The following SPAG9 variants were observed in gnomAD, a reference collection of about 807,000 sequenced individuals.
SPAG9 encodes the protein sperm associated antigen 9.
Under a neutral mutation model 166.5 loss-of-function variants are expected in SPAG9, and 35 were observed. That is an observed-to-expected ratio of 0.21 (90% CI 0.16 to 0.28). The LOEUF is 0.28. Ranked by LOEUF, SPAG9 falls within the 10% of genes least tolerant of loss-of-function variation. The pLI is 1.00. For synonymous variants in SPAG9, 534 were observed against 565.5 expected, an observed-to-expected ratio of 0.94 and a Z score of 0.79; for missense variants, 1,235 against 1,603.3, an observed-to-expected ratio of 0.77 and a Z score of 3.92.
At chr17:51,021,437 GAAAT>G in intron 6 of SPAG9, 72 bp from the exon 7 acceptor site, 2 of 1,209,308 alleles carry the variant, frequency 1.7e-6, no homozygotes, top group South Asian at 1.5e-5. Flanking sequence ...AATGGGTTGA[GAAAT>G]AAATCTACCA....
rs768708195 is a variant in SPAG9 at position 51,021,239 on chromosome 17, C to T, written c.910G>A (p.Val304Ile). 3.1e-6 allele frequency: 5 copies of T among 1,613,980 alleles called. No individual in the cohort carries two copies. In the Admixed American group the frequency reaches 6.7e-5, roughly 22 times the overall value. Residue 304 changes from valine (V) to isoleucine (I), a missense_variant, in exon 7 of 30, where the codon GTT becomes ATT. Transcript: ENST00000262013. The part of the protein sequence containing the change: ...LKEENEGFVK[V>I]TDAPNKSEIS... ...TCTGATTTATTTGGCGCATCTGTAA[C>T]CTTCACAAATCCTTCGTTTTCTTCC... is the stretch of plus-strand genomic sequence containing the variant.
At chr17:51,054,467 C>T (rs1329220467) in intron 3 of SPAG9, among the ~76,000 whole-genome samples, 16 of 144,766 alleles carry the variant, frequency 1.1e-4, no homozygotes, top group African/African-American at 3.9e-4. Flanking sequence ...GACGGAGTCT[C>T]GCTCTCTTGC....
At chr17:51,077,838 ACGGGGTTTC>A (rs1483555983) in intron 2 of SPAG9, among the ~76,000 whole-genome samples, 1 of 151,950 alleles carries the variant, frequency 6.6e-6, no homozygotes, top group African/African-American at 2.4e-5. Flanking sequence ...TTTGGTAGAG[ACGGGGTTTC>A]ACCATGTTGC....
At chr17:51,045,946 C>T (rs1480106120) in intron 4 of SPAG9, among the ~76,000 whole-genome samples, 1 of 152,174 alleles carries the variant, frequency 6.6e-6, no homozygotes, top group Admixed American at 6.5e-5. Flanking sequence ...AAAGGCATTC[C>T]TTAACCTAAA....
chr17:51,057,259 G>A (rs780543894), intron 2 of SPAG9, among the ~76,000 whole-genome samples: 5 of 152,156 alleles, frequency 3.3e-5, no homozygotes, highest in Non-Finnish European at 5.9e-5. Flanking sequence ...GCAGAGGGGA[G>A]ACTGGCCAGA....
chr17:50,975,098 GA>G (rs376297921), intron 27 of SPAG9, 151 bp from the exon 28 acceptor site: 10 of 637,616 alleles, frequency 1.6e-5, no homozygotes, highest in South Asian at 2.3e-5. Flanking sequence ...ACAAAGCTGG[GA>G]AAAAAAGAGA....
chr17:51,031,692 C>G lies in SPAG9; in HGVS notation c.772G>C (p.Val258Leu). ...VSNSPEPQKA[V>L]EQEDELSDVS... ...AGCACCATTCTCACCTCCTGTTCTACAGCCTTCTGAGGTTCAGGACTATTG... is the reference window on the plus strand; with the variant it reads ...AGCACCATTCTCACCTCCTGTTCTAGAGCCTTCTGAGGTTCAGGACTATTG... The change falls in exon 6 of 30, where the codon GTA becomes CTA. Residue 258 changes from valine to leucine, a missense_variant. Around this residue, in one of 6 missense-constraint regions of SPAG9, gnomAD observed 288 missense variants for 323.7 expected, o/e 0.89. Coordinates refer to ENST00000262013, the MANE Select transcript of SPAG9 (RefSeq NM_001130528.3). The G allele has an allele frequency of 1.3e-6, 2 of 1,551,016 alleles. No homozygotes were observed. The highest frequency in any genetic ancestry group is 1.7e-6 in the Non-Finnish European group (2 of 1,146,506).
At chr17:51,047,894 C>T (rs534019441) in intron 3 of SPAG9, among the ~76,000 whole-genome samples, 1 of 152,002 alleles carries the variant, frequency 6.6e-6, no homozygotes, top group Non-Finnish European at 1.5e-5. Context: ...TGTGAAACTT[C>T]TGAAGAAACC....
intron 28 of SPAG9, among the ~76,000 whole-genome samples, chr17:50,973,829 G>C (rs1434169869): frequency 6.6e-6 from 1 of 152,166 alleles, no homozygotes; most frequent in Admixed American, 6.5e-5. Context: ...GATTTGGACT[G>C]CAACATCCAC....
chr17:51,064,551 C>T (rs2047607554), intron 2 of SPAG9, among the ~76,000 whole-genome samples: 1 of 152,182 alleles, frequency 6.6e-6, no homozygotes, highest in Non-Finnish European at 1.5e-5. Flanking sequence ...CATGCTACAA[C>T]ATGAATGAAC....
At chr17:51,103,193 T>C (rs2048853037) in intron 1 of SPAG9, among the ~76,000 whole-genome samples, 1 of 152,172 alleles carries the variant, frequency 6.6e-6, no homozygotes, top group African/African-American at 2.4e-5. Context: ...GAACTTTAAA[T>C]GGTTAGTCTT....
intron 4 of SPAG9, among the ~76,000 whole-genome samples, chr17:51,046,245 C>T (rs2047015937): frequency 1.3e-5 from 2 of 152,184 alleles, no homozygotes; most frequent in Admixed American, 1.3e-4. Context: ...CTGCTTAAAA[C>T]AAGACCACAC....
At chr17:51,012,615 G>T (rs901508474) in intron 9 of SPAG9, among the ~76,000 whole-genome samples, 6 of 151,412 alleles carry the variant, frequency 4.0e-5, no homozygotes, top group African/African-American at 1.5e-4. Flanking sequence ...CATGAGAAAC[G>T]CAATTCATTC....
rs1382307078 is a variant in SPAG9 at position 51,095,933 on chromosome 17, ATAGT to A, written c.304-16233_304-16230del. On this transcript the variant is annotated intron_variant, in intron 1 of 29. Coordinates refer to ENST00000262013, the MANE Select transcript of SPAG9 (RefSeq NM_001130528.3). ...TAGTGATATATATATAGTGATATAT[ATAGT>A]GATATAGTTATATATATAGTGATAT... Among the ~76,000 whole-genome samples, 25 of 140,960 alleles carry A rather than the reference ATAGT, an allele frequency of 1.8e-4. 1 individual carries two copies. Among genetic ancestry groups the A allele is most frequent in the Non-Finnish European group, 1.5e-4 (10 of 65,794 alleles). 92.5% of individuals were successfully genotyped at this position (140,960 alleles called of 152,430 possible).
chr17:51,001,599 T>C (rs1007828059), intron 13 of SPAG9, 116 bp downstream of exon 13: 26 of 985,518 alleles, frequency 2.6e-5, no homozygotes, highest in African/African-American at 1.5e-4. Flanking sequence ...AAGTCTCTCC[T>C]AGTAAACAGA....
chr17:51,111,984 C>T (rs1342779473), intron 1 of SPAG9, among the ~76,000 whole-genome samples: 2 of 152,006 alleles, frequency 1.3e-5, no homozygotes, highest in African/African-American at 4.8e-5. Flanking sequence ...TAGATATTCA[C>T]ATTCAGAAAT....
chr17:51,108,918 C>A lies in SPAG9; in HGVS notation c.303+11436G>T, dbSNP rs527288678. Among the ~76,000 whole-genome samples the A allele has an allele frequency of 1.9e-4, 29 of 152,082 alleles. No individual in the cohort carries two copies. In the East Asian group the frequency reaches 3.9e-3, roughly 20 times the overall value. ...TGATCTCAGCTCACTGCAACCTCCA[C>A]CTCCCGGGTTCACATGATTCTCCTG... On this transcript the variant is annotated intron_variant, in intron 1 of 29. Coordinates refer to ENST00000262013, the MANE Select transcript of SPAG9 (RefSeq NM_001130528.3).
At chr17:50,980,050 T>C (rs934577105) in intron 25 of SPAG9, 133 bp from the exon 26 acceptor site, 7 of 750,134 alleles carry the variant, frequency 9.3e-6, no homozygotes, top group Non-Finnish European at 1.5e-5. Context: ...ATGATTACTC[T>C]TATATACACA....
In SPAG9 at chr17:51,091,498, G is replaced by T. The variant is rs1257556861; in HGVS notation, c.304-11794C>A. Among the ~76,000 whole-genome samples, 9 of 151,760 alleles carry T rather than the reference G, an allele frequency of 5.9e-5. No homozygotes were observed. The East Asian group carries it at 1.2e-3, about 20-fold the overall frequency. On this transcript the variant is annotated intron_variant, in intron 1 of 29. Transcript: ENST00000262013. ...TTGTTTGTTTTTCTGTTTTTTTGTTGTTGTTGTTGTTGTTTGCATATTATA... is the reference window on the plus strand; with the variant it reads ...TTGTTTGTTTTTCTGTTTTTTTGTTTTTGTTGTTGTTGTTTGCATATTATA...
Sources: allele counts gnomAD v4.1 joint callset (sites outside exome capture counted in the v4.1 genomes callset), GRCh38; gene constraint gnomAD v4.1.1; regional missense constraint gnomAD v4.1.1; transcripts MANE v1.5; gene names NCBI Gene and HGNC (gene_info 2026-07-23, HGNC 2026-07-21).